Variants in NBEA observed in about 807,000 individuals in gnomAD.
NBEA encodes the protein neurobeachin, also known as lysosomal-trafficking regulator 2.
NBEA carries 44 observed loss-of-function variants against 343.4 expected under a neutral mutation model. That is an observed-to-expected ratio of 0.13 (90% CI 0.10 to 0.16). The LOEUF is 0.16. NBEA is among the 10% of genes least tolerant of loss of function. The probability of loss-of-function intolerance (pLI) is 1.00; values close to 1 mark genes in which losing one functional copy is unlikely to be tolerated. For synonymous variants in NBEA, 1,175 were observed against 1,238.7 expected, an observed-to-expected ratio of 0.95 and a Z score of 1.08; for missense variants, 2,555 against 3,631.3, an observed-to-expected ratio of 0.70 and a Z score of 7.62.
At chr13:35,051,419 A>G (rs998358149) in intron 6 of NBEA, among the ~76,000 whole-genome samples, 2 of 151,912 alleles carry the variant, frequency 1.3e-5, no homozygotes, top group African/African-American at 4.8e-5. Flanking sequence ...GTGTCTTCCC[A>G]TATACGGAAA....
chr13:35,298,366 G>C (rs2036299034), intron 35 of NBEA, among the ~76,000 whole-genome samples: 2 of 150,914 alleles, frequency 1.3e-5, no homozygotes, highest in Non-Finnish European at 3.0e-5. Context: ...AGAGATTCTT[G>C]TACTTAGTTA....
At position 35,349,144 on chromosome 13, in the gene NBEA, T is replaced by C. The variant is rs111297138; in HGVS notation, c.5940T>C (p.Arg1980=). Residue 1980 remains arginine (R), a synonymous_variant, in exon 37 of 59, where the codon CGT becomes CGC. Coordinates refer to ENST00000379939, the MANE Select transcript of NBEA (RefSeq NM_001385012.1). Reference sequence around the variant, plus strand: ...ATGCTATGAAGGACCATATAGTCCGTGTTGCAAATGAAGCTGAGTTTATTT... The same window carrying C: ...ATGCTATGAAGGACCATATAGTCCGCGTTGCAAATGAAGCTGAGTTTATTT... ...LCHAMKDHIV[R]VANEAEFILN... is the part of the protein sequence containing the mutation. The C allele has an allele frequency of 1.2e-3, 1,988 of 1,608,462 alleles. 17 individuals carry two copies. In the African/African-American group the frequency reaches 0.023, roughly 19 times the overall value.
At chr13:35,185,313 C>G (rs923181858) in intron 30 of NBEA, 1 of 151,296 alleles carries the variant, frequency 6.6e-6, no homozygotes, top group Non-Finnish European at 1.5e-5. Flanking sequence ...TGATACAATA[C>G]TTCAGTGTAT....
intron 1 of NBEA, among the ~76,000 whole-genome samples, chr13:35,010,737 AAAAAAT>A (rs2061459208): frequency 7.8e-5 from 2 of 25,624 alleles, no homozygotes; most frequent in African/African-American, 2.4e-4. Flanking sequence ...AAAAAAAAAA[AAAAAAT>A]ATATATATAT....
chr13:35,055,624 G>A (rs1353446903), intron 6 of NBEA, among the ~76,000 whole-genome samples: 1 of 152,026 alleles, frequency 6.6e-6, no homozygotes, highest in African/African-American at 2.4e-5. Context: ...GTTTAATTGT[G>A]TCATATATAT....
At chr13:35,251,471 C>T (rs1421249810) in intron 34 of NBEA, 7 of 1,066,292 alleles carry the variant, frequency 6.6e-6, no homozygotes, top group Non-Finnish European at 8.0e-6. Flanking sequence ...GAGAGCTGTT[C>T]CCCAAGCCAG....
At chr13:35,173,255 T>G (rs900308714) in intron 26 of NBEA, among the ~76,000 whole-genome samples, 2 of 152,088 alleles carry the variant, frequency 1.3e-5, no homozygotes, top group South Asian at 4.1e-4. Context: ...ATATGGGTAT[T>G]TTGTTTTATT....
intron 34 of NBEA, among the ~76,000 whole-genome samples, chr13:35,270,504 C>T (rs538016563): frequency 6.6e-5 from 10 of 152,298 alleles, no homozygotes; most frequent in South Asian, 2.1e-4. Flanking sequence ...CCATGGAGGG[C>T]GAGCTGAACC....
At chr13:35,204,558 G>A (rs558714938) in intron 31 of NBEA, among the ~76,000 whole-genome samples, 1 of 152,134 alleles carries the variant, frequency 6.6e-6, no homozygotes, top group African/African-American at 2.4e-5. Context: ...CACAACATGT[G>A]GGAAGTCTGG....
intron 41 of NBEA, among the ~76,000 whole-genome samples, chr13:35,522,670 G>T (rs2077776907): frequency 6.6e-6 from 1 of 151,870 alleles, no homozygotes; most frequent in Non-Finnish European, 1.5e-5. Flanking sequence ...CAGCAGGCAA[G>T]GAAGCACTGC....
chr13:34,999,780 T>C (rs1050541721), intron 1 of NBEA, among the ~76,000 whole-genome samples: 1 of 135,372 alleles, frequency 7.4e-6, no homozygotes, highest in Non-Finnish European at 1.6e-5. Flanking sequence ...GATGTGGGAC[T>C]GAACACAGTT....
intron 38 of NBEA, among the ~76,000 whole-genome samples, chr13:35,422,149 A>G (rs28844074): frequency 1.0e-3 from 111 of 108,346 alleles, no homozygotes; most frequent in African/African-American, 3.5e-3. Flanking sequence ...TTTTTTTTTT[A>G]ATTTTATTAT....
chr13:35,220,857 A>G (rs2074323045), intron 33 of NBEA, among the ~76,000 whole-genome samples: 2 of 152,192 alleles, frequency 1.3e-5, no homozygotes, highest in South Asian at 2.1e-4. Context: ...CATAAAAATT[A>G]GACTTTTTAA....
chr13:35,166,699 T>C (rs1044403498), intron 24 of NBEA, among the ~76,000 whole-genome samples: 7 of 152,140 alleles, frequency 4.6e-5, no homozygotes, highest in Non-Finnish European at 7.4e-5. Flanking sequence ...TGCTGACTGC[T>C]GAATGTTGTT....
intron 38 of NBEA, among the ~76,000 whole-genome samples, chr13:35,430,316 T>C (rs1168984281): frequency 6.6e-6 from 1 of 152,156 alleles, no homozygotes; most frequent in Admixed American, 6.6e-5. Flanking sequence ...ATTGGTTGTT[T>C]TGTTCTTGCT....
chr13:35,013,935 T>A (rs2061566513), intron 1 of NBEA, among the ~76,000 whole-genome samples: 1 of 152,200 alleles, frequency 6.6e-6, no homozygotes, highest in Non-Finnish European at 1.5e-5. Context: ...TGCTTTAACA[T>A]GTATAATTTC....
At chr13:35,128,176 G>A (rs1038660213) in intron 17 of NBEA, among the ~76,000 whole-genome samples, 1 of 151,700 alleles carries the variant, frequency 6.6e-6, no homozygotes, top group African/African-American at 2.4e-5. Context: ...CATGGCACAT[G>A]TATACCTACG....
chr13:35,205,687 T>G (rs1441270260), intron 31 of NBEA, among the ~76,000 whole-genome samples: 1 of 152,108 alleles, frequency 6.6e-6, no homozygotes, highest in African/African-American at 2.4e-5. Context: ...TGGGTATTTT[T>G]GCTGATATAG....
At chr13:35,426,480 C>G (rs1338589066) in intron 38 of NBEA, among the ~76,000 whole-genome samples, 1 of 152,204 alleles carries the variant, frequency 6.6e-6, no homozygotes, top group East Asian at 1.9e-4. Flanking sequence ...GGCCCCCACT[C>G]TCTTCTGGCT....
Sources: gnomAD v4.1 joint callset for allele counts (sites outside exome capture counted in the v4.1 genomes callset) on GRCh38, gnomAD v4.1.1 for gene constraint, MANE v1.5 for transcripts, NCBI Gene and HGNC (gene_info 2026-07-23, HGNC 2026-07-21) for gene names.